Variants in SMC2 observed in about 807,000 individuals in gnomAD.
The protein encoded by SMC2 is structural maintenance of chromosomes 2.
In SMC2, 41 loss-of-function variants were observed where a neutral mutation model predicts 142.6. That is an observed-to-expected ratio of 0.29 (90% CI 0.22 to 0.37). The LOEUF (loss-of-function observed/expected upper bound fraction) is 0.37. Among genes scored for constraint, SMC2 ranks in the 10% least tolerant of loss-of-function variants. The pLI, the probability that SMC2 is intolerant of heterozygous loss-of-function variation, is 1.00. For missense variants in SMC2, 1,265 were observed against 1,373.7 expected (o/e 0.92, Z 1.25); for synonymous variants, 463 against 457.5 (o/e 1.01, Z -0.15).
At chr9:104,131,080 G>A (rs1834909636) in intron 21 of SMC2, among the ~76,000 whole-genome samples, 1 of 152,150 alleles carries the variant, frequency 6.6e-6, no homozygotes, top group African/African-American at 2.4e-5. Flanking sequence ...TGAATGTGAA[G>A]CCTCCTTGAA....
intron 3 of SMC2, among the ~76,000 whole-genome samples, chr9:104,097,510 A>G (rs1251981849): frequency 1.8e-5 from 1 of 54,626 alleles, no homozygotes; most frequent in Non-Finnish European, 4.1e-5. Flanking sequence ...CTCTGGTTGA[A>G]AAAAAAAAAA....
intron 15 of SMC2, among the ~76,000 whole-genome samples, chr9:104,119,471 C>T (rs141145557): frequency 2.2e-4 from 33 of 152,194 alleles, no homozygotes; most frequent in African/African-American, 5.5e-4. Context: ...TTCTGCTTGC[C>T]GTGCTGTATC....
At position 104,099,661 on chromosome 9, in the gene SMC2, A is replaced by G; in HGVS notation, c.459A>G (p.Val153=). Residue 153 remains valine (V), a synonymous_variant, in exon 5 of 25, where the codon GTA becomes GTG. Transcript: ENST00000374793. The stretch of plus-strand genomic sequence containing the variant: ...ATTTTCAGGGCCGAATTACAAAAGT[A>G]TTGAATATGAAACCTCCAGAGGTAA... ...FLIMQGRITK[V]LNMKPPEILS... is the part of the protein sequence containing the mutation. 3 of 1,569,260 alleles carry G rather than the reference A, an allele frequency of 1.9e-6. No individual in the cohort carries two copies. In the South Asian group the frequency reaches 3.3e-5, roughly 17 times the overall value.
Position 104,140,857 on chromosome 9 carries a change from C to CAGTT in SMC2, c.*1548_*1551dup. ...GTTAATTTTAATATTTCTGATTTAA[C>CAGTT]AGTTAGTTATTAAGTGGTACTTCAT... is the stretch of plus-strand genomic sequence containing the variant. On this transcript the variant is annotated 3_prime_UTR_variant, in exon 25 of 25. Coordinates refer to ENST00000374793, the MANE Select transcript of SMC2 (RefSeq NM_006444.3). 1 of 152,218 alleles carries CAGTT rather than the reference C, an allele frequency of 6.6e-6. No individual in the cohort carries two copies. The highest frequency in any genetic ancestry group is 1.9e-4 in the East Asian group (1 of 5,186). 9.4% of individuals were successfully genotyped at this position (152,218 alleles called of 1,614,324 possible). A position where few individuals can be genotyped will look rare whatever the true frequency, so the allele number is the denominator to read the frequency against.
At chr9:104,111,959 C>G in intron 10 of SMC2, 145 bp downstream of exon 10, 1 of 611,132 alleles carries the variant, frequency 1.6e-6, no homozygotes. Context: ...ACTCTAATGC[C>G]TAATGCAGCG....
intron 16 of SMC2, among the ~76,000 whole-genome samples, chr9:104,121,843 C>T (rs759185770): frequency 3.9e-5 from 6 of 152,172 alleles, no homozygotes; most frequent in East Asian, 1.9e-4. Flanking sequence ...TGCAGTGGCC[C>T]GATCTCGGCT....
chr9:104,106,026 G>A (rs1179001654), intron 9 of SMC2, among the ~76,000 whole-genome samples: 1 of 152,182 alleles, frequency 6.6e-6, no homozygotes. Flanking sequence ...TGTTTCCTTT[G>A]TGCTAAAGTA....
At chr9:104,092,828 A>C (rs1217401923), upstream of SMC2, 1 of 152,254 alleles carries the variant, frequency 6.6e-6, no homozygotes, top group African/African-American at 2.4e-5. Context: ...AACTTTAAAA[A>C]CATGACCTAC....
chr9:104,112,153 T>C (rs1832527333), intron 10 of SMC2, among the ~76,000 whole-genome samples: 1 of 152,220 alleles, frequency 6.6e-6, no homozygotes, highest in Non-Finnish European at 1.5e-5. Context: ...TATTTTTTAT[T>C]GATAACATAA....
chr9:104,127,254 AC>A, intron 19 of SMC2, 31 bp from the exon 20 acceptor site: 1 of 1,489,090 alleles, frequency 6.7e-7, no homozygotes, highest in Non-Finnish European at 9.1e-7. Flanking sequence ...ATGTTACCTC[AC>A]CACATATTTT....
At position 104,118,819 on chromosome 9, in the gene SMC2, A is replaced by G. The variant is rs74617956; in HGVS notation, c.1996+444A>G. On this transcript the variant is annotated intron_variant, in intron 15 of 24. Transcript: ENST00000374793. ...TCACATTTCAAGAGCCCATAATCAC[A>G]AATGGTTAATGGATAATTCGACAAT... Among the ~76,000 whole-genome samples, 16 of 152,308 alleles carry G rather than the reference A, an allele frequency of 1.1e-4. No homozygotes were observed. In the East Asian group the frequency reaches 2.9e-3, roughly 28 times the overall value.
At chr9:104,092,399 A>T (rs1025009663), upstream of SMC2, 2 of 152,264 alleles carry the variant, frequency 1.3e-5, no homozygotes, top group Non-Finnish European at 2.9e-5. Context: ...GTCTTAACAC[A>T]TATTTCCATA....
intron 3 of SMC2, among the ~76,000 whole-genome samples, chr9:104,097,058 C>T (rs1487672668): frequency 6.7e-6 from 1 of 150,350 alleles, no homozygotes; most frequent in Non-Finnish European, 1.5e-5. Flanking sequence ...TACTTGAAAC[C>T]ACTCAATTTT....
At chr9:104,139,104 A>G in intron 24 of SMC2, 35 bp from the exon 25 acceptor site, 2 of 1,468,180 alleles carry the variant, frequency 1.4e-6, no homozygotes, top group Non-Finnish European at 9.1e-7. Context: ...TATATCACAA[A>G]AAGTTTTTTT....
At chr9:104,088,980 T>TA in the SMC2 span, among the ~76,000 whole-genome samples, 265 of 146,762 alleles carry the variant, frequency 1.8e-3, 1 homozygote, top group Middle Eastern at 3.5e-3. Context: ...TCACAACAGT[T>TA]AAAAAAAAAA....
rs1006339122 is a variant in SMC2, at chr9:104,140,938, C to G, written c.*1623C>G. 1 of 152,110 alleles carries G rather than the reference C, an allele frequency of 6.6e-6. No homozygotes were observed. Among genetic ancestry groups the G allele is most frequent in the African/African-American group, 2.4e-5 (1 of 41,422 alleles). 9.4% of individuals were successfully genotyped at this position (152,110 alleles called of 1,614,324 possible). On this transcript the variant is annotated 3_prime_UTR_variant, in exon 25 of 25. Coordinates refer to ENST00000374793, the MANE Select transcript of SMC2 (RefSeq NM_006444.3). ...TTGGGAGTTTGACTATTTTGGCTTA[C>G]GTACTCATTTCCTTTTCTCTGCTAA...
At chr9:104,113,725 T>C (rs1254298797) in intron 11 of SMC2, among the ~76,000 whole-genome samples, 1 of 152,200 alleles carries the variant, frequency 6.6e-6, no homozygotes, top group East Asian at 1.9e-4. Context: ...TTTGTGTATT[T>C]CTACATTAGG....
chr9:104,126,532 C>T (rs1834307838), intron 18 of SMC2, 109 bp from the exon 19 acceptor site: 2 of 759,324 alleles, frequency 2.6e-6, no homozygotes, highest in Non-Finnish European at 3.9e-6. Context: ...GGTAACAAAG[C>T]TGTGGGTCTT....
intron 22 of SMC2, 96 bp from the exon 23 acceptor site, chr9:104,134,319 C>T (rs1835300836): frequency 2.4e-6 from 2 of 845,424 alleles, no homozygotes; most frequent in African/African-American, 1.8e-5. Flanking sequence ...GAGTAATAGA[C>T]AAAGTAGACC....
Sources: gnomAD v4.1 joint callset for allele counts (sites outside exome capture counted in the v4.1 genomes callset) on GRCh38, gnomAD v4.1.1 for gene constraint, MANE v1.5 for transcripts, NCBI Gene and HGNC (gene_info 2026-07-23, HGNC 2026-07-21) for gene names.